DOCK3: variants seen among roughly 807,000 people sequenced by gnomAD.
DOCK3 encodes the protein dedicator of cytokinesis protein 3.
DOCK3 carries 60 observed loss-of-function variants against 265.6 expected under a neutral mutation model. The ratio of observed to expected loss-of-function variants is 0.23; its 90% CI spans 0.18 to 0.28. The LOEUF (loss-of-function observed/expected upper bound fraction) is 0.28, where lower values mean the gene tolerates loss of function less well. DOCK3 is among the 10% of genes least tolerant of loss of function. The pLI is 1.00. For missense variants in DOCK3, 1,981 were observed against 2,594.3 expected, an observed-to-expected ratio of 0.76 and a Z score of 5.14; for synonymous variants, 881 against 938.0, an observed-to-expected ratio of 0.94 and a Z score of 1.11.
intron 1 of DOCK3, among the ~76,000 whole-genome samples, chr3:50,697,688 C>T (rs553199814): frequency 6.6e-6 from 1 of 152,308 alleles, no homozygotes; most frequent in East Asian, 1.9e-4. Flanking sequence ...TTTGCCATTT[C>T]TTCTTTTATT....
intron 14 of DOCK3, among the ~76,000 whole-genome samples, chr3:51,218,047 G>A (rs2108269133): frequency 6.6e-6 from 1 of 152,236 alleles, no homozygotes; most frequent in South Asian, 2.1e-4. Flanking sequence ...GAACCTGGGA[G>A]GCGGAGGTTG....
chr3:50,784,515 A>G (rs2042086714), intron 2 of DOCK3, among the ~76,000 whole-genome samples: 1 of 152,026 alleles, frequency 6.6e-6, no homozygotes, highest in African/African-American at 2.4e-5. Flanking sequence ...TTCCATATGA[A>G]TTGTAGATTT....
intron 12 of DOCK3, among the ~76,000 whole-genome samples, chr3:51,176,824 G>A (rs921903679): frequency 1.3e-5 from 2 of 152,132 alleles, no homozygotes; most frequent in Non-Finnish European, 2.9e-5. Flanking sequence ...ACAACTGGTG[G>A]TTCGGAAAAT....
intron 32 of DOCK3, among the ~76,000 whole-genome samples, chr3:51,320,292 CT>C (rs931404143): frequency 2.6e-5 from 4 of 152,350 alleles, no homozygotes; most frequent in African/African-American, 4.8e-5. Flanking sequence ...AGATACTGCA[CT>C]TTCCCCATGG....
Position 51,230,762 on chromosome 3 carries a change from G to A in DOCK3, c.1917+1153G>A, listed in dbSNP as rs547679193. ...GATCCCTTGACCTCGTGATCCATCCGCCTTGGCCTCCCAAAGTGCTGGGAT... is the reference window on the plus strand; with the variant it reads ...GATCCCTTGACCTCGTGATCCATCCACCTTGGCCTCCCAAAGTGCTGGGAT... On this transcript the variant is annotated intron_variant, in intron 19 of 52. Coordinates refer to ENST00000266037, the MANE Select transcript of DOCK3 (RefSeq NM_004947.5). Among the ~76,000 whole-genome samples, 8 of 152,204 alleles carry A rather than the reference G, an allele frequency of 5.3e-5. No homozygotes were observed. The East Asian group carries it at 1.2e-3, about 22-fold the overall frequency.
rs57972779 is a variant in DOCK3, at chr3:50,914,050, C to CTTATTTTATTTTATTTTATTTTATT, written c.219-19929_219-19905dup. Among the ~76,000 whole-genome samples the CTTATTTTATTTTATTTTATTTTATT allele has an allele frequency of 7.7e-3, 1,160 of 150,668 alleles. 11 individuals are homozygous for CTTATTTTATTTTATTTTATTTTATT. The highest frequency in any genetic ancestry group is 0.011 in the Admixed American group (171 of 15,120). ...GCTTTGTCCTCCCTGTATTGTCTCTCTTATTTTATTTTATTTTATTTTATT... is the reference window on the plus strand; with the variant it reads ...GCTTTGTCCTCCCTGTATTGTCTCTCTTATTTTATTTTATTTTATTTTATTTTATTTTATTTTATTTTATTTTATT... On this transcript the variant is annotated intron_variant, in intron 4 of 52. Transcript: ENST00000266037.
intron 8 of DOCK3, among the ~76,000 whole-genome samples, chr3:51,089,898 CAAAAAA>C (rs1166631932): frequency 9.5e-5 from 4 of 42,286 alleles, no homozygotes; most frequent in African/African-American, 2.8e-4. Context: ...GACTCTGTCT[CAAAAAA>C]AAAAAAAAAA....
At chr3:50,964,053 G>T (rs752562628) in intron 5 of DOCK3, among the ~76,000 whole-genome samples, 25 of 152,194 alleles carry the variant, frequency 1.6e-4, no homozygotes, top group Non-Finnish European at 2.9e-4. Flanking sequence ...GATAGTGTCT[G>T]TTCCTACAGT....
intron 1 of DOCK3, among the ~76,000 whole-genome samples, chr3:50,768,572 C>T (rs941720138): frequency 6.6e-6 from 1 of 152,112 alleles, no homozygotes; most frequent in African/African-American, 2.4e-5. Flanking sequence ...AGACAAAAAC[C>T]ACATGATTAT....
chr3:50,692,923 A>G (rs2035346045), intron 1 of DOCK3, among the ~76,000 whole-genome samples: 1 of 152,158 alleles, frequency 6.6e-6, no homozygotes, highest in Non-Finnish European at 1.5e-5. Flanking sequence ...TGTTATTACA[A>G]GGGTCCAATT....
At chr3:51,045,389 T>G (rs1656129271) in intron 5 of DOCK3, among the ~76,000 whole-genome samples, 1 of 152,086 alleles carries the variant, frequency 6.6e-6, no homozygotes, top group Non-Finnish European at 1.5e-5. Flanking sequence ...CCAGAACAAT[T>G]ACAATAGTAA....
chr3:51,219,023 A>G (rs1259838444), intron 14 of DOCK3, among the ~76,000 whole-genome samples: 2 of 152,104 alleles, frequency 1.3e-5, no homozygotes, highest in South Asian at 2.1e-4. Context: ...CCTTTACTCA[A>G]TTACTGCTCC....
intron 4 of DOCK3, among the ~76,000 whole-genome samples, chr3:50,897,656 G>A (rs1410073127): frequency 2.0e-5 from 3 of 150,242 alleles, no homozygotes; most frequent in East Asian, 3.9e-4. Context: ...ACGTTCAATC[G>A]GTATAGTTTA....
chr3:50,804,625 G>A (rs149363101), intron 2 of DOCK3, among the ~76,000 whole-genome samples: 32 of 152,306 alleles, frequency 2.1e-4, no homozygotes, highest in African/African-American at 6.0e-4. Flanking sequence ...TGCAATCCCA[G>A]GCACTCGGCA....
intron 4 of DOCK3, among the ~76,000 whole-genome samples, chr3:50,904,347 C>T (rs1263834373): frequency 6.6e-6 from 1 of 152,180 alleles, no homozygotes; most frequent in South Asian, 2.1e-4. Flanking sequence ...CGCTGTCTTC[C>T]ATAATGGTTG....
At chr3:51,317,230 C>A (rs1576776461) in intron 32 of DOCK3, among the ~76,000 whole-genome samples, 2 of 147,214 alleles carry the variant, frequency 1.4e-5, no homozygotes, top group South Asian at 2.1e-4. Flanking sequence ...ATCCTTTCTT[C>A]AGTTGTCTTT....
At chr3:50,884,150 G>A (rs2048208363) in intron 3 of DOCK3, among the ~76,000 whole-genome samples, 1 of 151,276 alleles carries the variant, frequency 6.6e-6, no homozygotes, top group Non-Finnish European at 1.5e-5. Context: ...GAGTGCAGTG[G>A]CGCCATCTCG....
At chr3:50,999,706 C>T (rs143230081) in intron 5 of DOCK3, among the ~76,000 whole-genome samples, 1 of 152,282 alleles carries the variant, frequency 6.6e-6, no homozygotes, top group African/African-American at 2.4e-5. Context: ...AAGGCTTAGA[C>T]TCTGCTTCCC....
chr3:51,132,912 C>G (rs547203338), intron 9 of DOCK3, among the ~76,000 whole-genome samples: 1 of 152,132 alleles, frequency 6.6e-6, no homozygotes. Context: ...ATCCCCTCCC[C>G]GACCCAAGCT....
Sources: allele counts gnomAD v4.1 joint callset (sites outside exome capture counted in the v4.1 genomes callset), GRCh38; gene constraint gnomAD v4.1.1; transcripts MANE v1.5; gene names NCBI Gene and HGNC (gene_info 2026-07-23, HGNC 2026-07-21).